CLTA: variants seen among roughly 807,000 people sequenced by gnomAD.
The protein encoded by CLTA is clathrin, light polypeptide (Lca).
In CLTA, 9 loss-of-function variants were observed where a neutral mutation model predicts 26.9. That is an observed-to-expected ratio of 0.33 (90% confidence interval 0.20 to 0.58). The LOEUF (loss-of-function observed/expected upper bound fraction) is 0.58, where lower values mean the gene tolerates loss of function less well. Ranked by LOEUF, CLTA falls within the 20% of genes least tolerant of loss-of-function variation. The pLI, the probability that CLTA is intolerant of heterozygous loss-of-function variation, is 0.85. For synonymous variants in CLTA, 120 were observed against 115.5 expected, an observed-to-expected ratio of 1.04 and a Z score of -0.25; for missense variants, 278 against 294.2, an observed-to-expected ratio of 0.94 and a Z score of 0.40.
At chr9:36,200,401 A>C (rs1376868595) in intron 3 of CLTA, among the ~76,000 whole-genome samples, 1 of 152,202 alleles carries the variant, frequency 6.6e-6, no homozygotes, top group Non-Finnish European at 1.5e-5. Flanking sequence ...TTGTGTCTAA[A>C]TATTTCAATG....
chr9:36,193,801 GGTT>G (rs1826873971), intron 1 of CLTA, among the ~76,000 whole-genome samples: 1 of 152,182 alleles, frequency 6.6e-6, no homozygotes, highest in African/African-American at 2.4e-5. Context: ...TGACTCCTTT[GGTT>G]GTTAAGAGAT....
chr9:36,207,241 G>A (rs1827780751), intron 4 of CLTA, among the ~76,000 whole-genome samples: 1 of 152,168 alleles, frequency 6.6e-6, no homozygotes, highest in South Asian at 2.1e-4. Context: ...CAGTACAAGA[G>A]CTGTGAATTA....
At chr9:36,193,728 C>T (rs935468505) in intron 1 of CLTA, among the ~76,000 whole-genome samples, 2 of 152,130 alleles carry the variant, frequency 1.3e-5, no homozygotes, top group South Asian at 2.1e-4. Context: ...CCCAGCCTTG[C>T]GGAAAGCGTC....
At chr9:36,209,281 C>G in intron 4 of CLTA, 1 of 1,614,160 alleles carries the variant, frequency 6.2e-7, no homozygotes, top group Non-Finnish European at 8.5e-7. Flanking sequence ...GCAGATGAAG[C>G]TTTCTACAAA....
At chr9:36,202,454 A>C (rs1181995457) in intron 3 of CLTA, among the ~76,000 whole-genome samples, 2 of 152,168 alleles carry the variant, frequency 1.3e-5, no homozygotes, top group Non-Finnish European at 2.9e-5. Flanking sequence ...CTTGGTCTGC[A>C]CTTTCAAAAC....
intron 3 of CLTA, among the ~76,000 whole-genome samples, chr9:36,200,277 G>A (rs1827328150): frequency 6.6e-6 from 1 of 151,998 alleles, no homozygotes; most frequent in Non-Finnish European, 1.5e-5. Context: ...ATAAACATGT[G>A]CACCCCCAGA....
intron 1 of CLTA, among the ~76,000 whole-genome samples, chr9:36,196,969 A>C (rs1055014390): frequency 3.9e-5 from 6 of 152,310 alleles, no homozygotes; most frequent in South Asian, 4.1e-4. Flanking sequence ...AGTCCAGGAA[A>C]TCGATAGCAG....
In CLTA at chr9:36,210,632, A is replaced by G. The variant is rs763210801; in HGVS notation, c.486-971A>G. The stretch of plus-strand genomic sequence containing the variant: ...CTTCTCTTCACCTTTAAGCACAAAC[A>G]TAAACCATCCTTGCTACAGCCTAGA... On this transcript the variant is annotated intron_variant, in intron 4 of 4. Transcript: ENST00000345519. 22 of 1,614,066 alleles carry G rather than the reference A, an allele frequency of 1.4e-5. No homozygotes were observed. Among genetic ancestry groups the G allele is most frequent in the Non-Finnish European group, 1.6e-5 (19 of 1,180,032 alleles).
In CLTA at chr9:36,211,605, C is replaced by T; in HGVS notation, c.488C>T (p.Ala163Val). 6.2e-7 allele frequency: 1 copy of T among 1,609,020 alleles called. No homozygotes were observed. The highest frequency in any genetic ancestry group is 8.5e-7 in the Non-Finnish European group (1 of 1,176,362). ...QLQKTKANNR[A>V]AEEAFVNDID... ...ACATATTTTGTTGTTGCTTCCAGGG[C>T]AGCAGAAGAAGCCTTTGTAAATGAC... Residue 163 changes from alanine to valine, a missense_variant and splice_region_variant, in exon 5 of 5, where the codon GCA becomes GTA. Transcript: ENST00000345519.
intron 1 of CLTA, among the ~76,000 whole-genome samples, chr9:36,191,723 CAAA>C (rs1337829703): frequency 2.6e-5 from 4 of 152,128 alleles, no homozygotes; most frequent in African/African-American, 9.7e-5. Flanking sequence ...GAGATACAAA[CAAA>C]AGTAGCAATG....
chr9:36,208,869 C>G (rs1332519891), intron 4 of CLTA, among the ~76,000 whole-genome samples: 1 of 152,214 alleles, frequency 6.6e-6, no homozygotes, highest in Non-Finnish European at 1.5e-5. Context: ...AGTTGTTCAT[C>G]TCTAAGCCTC....
intron 2 of CLTA, among the ~76,000 whole-genome samples, chr9:36,198,050 G>A (rs1461932211): frequency 2.1e-5 from 3 of 139,964 alleles, no homozygotes; most frequent in African/African-American, 8.1e-5. Flanking sequence ...AGGCTAGAGT[G>A]CAGTGGCACG....
chr9:36,206,966 C>T (rs762773579), intron 4 of CLTA, among the ~76,000 whole-genome samples: 6 of 152,094 alleles, frequency 3.9e-5, no homozygotes, highest in Admixed American at 3.3e-4. Flanking sequence ...GTGACTTCTG[C>T]AGTAGCTAGA....
intron 4 of CLTA, chr9:36,209,350 C>A: frequency 6.8e-7 from 1 of 1,479,894 alleles, no homozygotes; most frequent in Non-Finnish European, 9.4e-7. Flanking sequence ...CCTTTTTCTA[C>A]ATCTGATTCT....
chr9:36,197,313 A>G (rs1255540788), intron 1 of CLTA, among the ~76,000 whole-genome samples: 4 of 152,226 alleles, frequency 2.6e-5, no homozygotes, highest in Non-Finnish European at 5.9e-5. Context: ...AATAGAAAAC[A>G]GAAAATAAAA....
At chr9:36,208,985 T>A (rs1827882489) in intron 4 of CLTA, among the ~76,000 whole-genome samples, 1 of 152,216 alleles carries the variant, frequency 6.6e-6, no homozygotes, top group Non-Finnish European at 1.5e-5. Context: ...AGTCCATGAT[T>A]GGGTGCTTAA....
At chr9:36,204,781 G>A (rs936202045) in intron 4 of CLTA, among the ~76,000 whole-genome samples, 1 of 152,120 alleles carries the variant, frequency 6.6e-6, no homozygotes, top group Non-Finnish European at 1.5e-5. Flanking sequence ...GGAGAAAAAC[G>A]CTTTCATTCT....
chr9:36,209,962 A>T (rs1286989669), intron 4 of CLTA, among the ~76,000 whole-genome samples: 1 of 152,238 alleles, frequency 6.6e-6, no homozygotes, highest in Non-Finnish European at 1.5e-5. Context: ...GTCTCCTAGC[A>T]CAGGGAAGCC....
intron 4 of CLTA, among the ~76,000 whole-genome samples, chr9:36,208,967 A>G (rs963107784): frequency 2.6e-5 from 4 of 152,220 alleles, no homozygotes; most frequent in Non-Finnish European, 5.9e-5. Context: ...ATGTATGTGA[A>G]AGGGCTTAGT....
Sources: gnomAD v4.1 joint callset for allele counts (sites outside exome capture counted in the v4.1 genomes callset) on GRCh38, gnomAD v4.1.1 for gene constraint, MANE v1.5 for transcripts, NCBI Gene and HGNC (gene_info 2026-07-23, HGNC 2026-07-21) for gene names.